Variants in SZT2 observed in about 807,000 individuals in gnomAD.
SZT2 encodes SZT2 subunit of KICSTOR complex, also known as KICSTOR complex protein SZT2.
In SZT2, 216 loss-of-function variants were observed where a neutral mutation model predicts 404.2. The observed-to-expected ratio is 0.53, with a 90% CI of 0.48 to 0.60. SZT2 has a LOEUF of 0.60. Among genes scored for constraint, SZT2 ranks in the 20% least tolerant of loss-of-function variants. The probability of loss-of-function intolerance (pLI) is 0.00; values close to 1 mark genes in which losing one functional copy is unlikely to be tolerated. For missense variants in SZT2, 3,857 were observed against 4,459.2 expected (o/e 0.86, Z 3.85); for synonymous variants, 1,693 against 1,749.9 (o/e 0.97, Z 0.81).
rs766494117 is a variant in SZT2, at chr1:43,448,748, C to G, written c.10086+20C>G. On this transcript the variant is annotated intron_variant, in intron 70 of 71. Coordinates refer to ENST00000634258, the MANE Select transcript of SZT2 (RefSeq NM_001365999.1). This position sits in a 1 kb window ranked among gnomAD's most constrained non-coding sequence, Gnocchi z 4.2. ...TACCTGGTAAGTCCCCTTGAGCTTC[C>G]TCTGAAAAGGGAAACACAGCAGAAA... The G allele has an allele frequency of 1.2e-5, 19 of 1,603,592 alleles. No individual in the cohort carries two copies. The highest frequency in any genetic ancestry group is 8.5e-6 in the Non-Finnish European group (10 of 1,170,580).
At chr1:43,398,314 A>T (rs2153928419) in intron 1 of SZT2, among the ~76,000 whole-genome samples, 1 of 152,324 alleles carries the variant, frequency 6.6e-6, no homozygotes, top group South Asian at 2.1e-4. Context: ...GAATTCACTT[A>T]TTTAGAGAAA....
Position 43,408,402 on chromosome 1 carries a change from A to G in SZT2, c.498+3852A>G, listed in dbSNP as rs1650597458. ...CTCAGCCTGCCAAGTAGCTAGGACT[A>G]CAGGTGCATGCCACCATACCTGACT... On this transcript the variant is annotated intron_variant, in intron 4 of 71. Coordinates refer to ENST00000634258, the MANE Select transcript of SZT2 (RefSeq NM_001365999.1). Among the ~76,000 whole-genome samples the G allele has an allele frequency of 2.0e-5, 3 of 152,082 alleles. 1 individual carries two copies. Among genetic ancestry groups the G allele is most frequent in the Admixed American group, 2.0e-4 (3 of 15,238 alleles).
In SZT2 at chr1:43,396,105, C is replaced by T. The variant is rs542526795; in HGVS notation, c.27+6110C>T. The stretch of plus-strand genomic sequence containing the variant: ...TGGAGGTTTCCTGAGCAAGTATAAC[C>T]TAGGAGAATCTGAATCTGTGACCTC... On this transcript the variant is annotated intron_variant, in intron 1 of 71. Transcript: ENST00000634258. Among the ~76,000 whole-genome samples, 9 of 152,286 alleles carry T rather than the reference C, an allele frequency of 5.9e-5. No individual in the cohort carries two copies. The South Asian group carries it at 1.5e-3, about 25-fold the overall frequency.
rs746949360 is a variant in SZT2 at position 43,447,077 on chromosome 1, G to A, written c.9195G>A (p.Leu3065=). 1 of 1,613,962 alleles carries A rather than the reference G, an allele frequency of 6.2e-7. No individual in the cohort carries two copies. Among genetic ancestry groups the A allele is most frequent in the Non-Finnish European group, 8.5e-7 (1 of 1,180,024 alleles). ...ACGTGCTAGGTGCCCATCTGGTGCT[G>A]CGGCACGGCTACCACCTCACCACCT... ...HQHVLGAHLV[L]RHGYHLTTFL... Residue 3065 remains leucine, a synonymous_variant, in exon 66 of 72, where the codon CTG becomes CTA. Coordinates refer to ENST00000634258, the MANE Select transcript of SZT2 (RefSeq NM_001365999.1).
At chr1:43,402,303 C>T (rs1481209649) in intron 1 of SZT2, among the ~76,000 whole-genome samples, 1 of 152,132 alleles carries the variant, frequency 6.6e-6, no homozygotes, top group Non-Finnish European at 1.5e-5. Flanking sequence ...GACCAATTGA[C>T]CTTTATTTCC....
At chr1:43,446,511 G>A (rs970064105) in intron 65 of SZT2, 95 bp downstream of exon 65, 54 of 1,481,380 alleles carry the variant, frequency 3.6e-5, no homozygotes, top group Non-Finnish European at 4.9e-5. Flanking sequence ...GAGTAATGCA[G>A]TAGGCGGGCT....
chr1:43,431,463 C>G lies in SZT2; in HGVS notation c.5028C>G (p.His1676Gln). 6.2e-7 allele frequency: 1 copy of G among 1,614,144 alleles called. No individual in the cohort carries two copies. Among genetic ancestry groups the G allele is most frequent in the Non-Finnish European group, 8.5e-7 (1 of 1,180,024 alleles). The change falls in exon 35 of 72, where the codon CAC becomes CAG. Residue 1676 changes from histidine (H) to glutamine (Q), a missense_variant. Transcript: ENST00000634258. ...PPLPPPEEER[H>Q]PGLSNLATPH... The stretch of plus-strand genomic sequence containing the variant: ...TCTAAACCTTTCTTCCAATTAGGCA[C>G]CCAGGACTATCCAATTTGGCCACGC...
chr1:43,439,802 A>G lies in SZT2; in HGVS notation c.7042+33A>G, dbSNP rs1047235351. 5.1e-6 allele frequency: 8 copies of G among 1,565,720 alleles called. No homozygotes were observed. The Admixed American group carries it at 5.4e-5, about 11-fold the overall frequency. On this transcript the variant is annotated intron_variant, in intron 50 of 71. Transcript: ENST00000634258. This position sits in a 1 kb window ranked among gnomAD's most constrained non-coding sequence, Gnocchi z 4.2. The stretch of plus-strand genomic sequence containing the variant: ...AGCTTGGTCAGAGGATGAGGTGTTC[A>G]GTTATTGCTGTGGGAGGTAAGGGTG...
rs1301730599 is a variant in SZT2, at chr1:43,454,154, C to T, written c.*3674C>T. The T allele has an allele frequency of 4.6e-6, 2 of 431,348 alleles. No homozygotes were observed. Among genetic ancestry groups the T allele is most frequent in the Admixed American group, 5.9e-5 (1 of 16,812 alleles). The allele number at this position is 431,348 out of a possible 1,614,324, so 26.7% of individuals were successfully genotyped here. On this transcript the variant is annotated 3_prime_UTR_variant, in exon 72 of 72. Coordinates refer to ENST00000634258, the MANE Select transcript of SZT2 (RefSeq NM_001365999.1). ...CAATGATGGGACGCGCACTTTAATA[C>T]TGAGTCTTTCCTCTGATTATAAAAA...
chr1:43,429,405 A>G, intron 28 of SZT2: 1 of 313,016 alleles, frequency 3.2e-6, no homozygotes, highest in Non-Finnish European at 6.0e-6. Flanking sequence ...GTGGTGGCAT[A>G]TGCCTGTGGT....
At position 43,453,663 on chromosome 1, in the gene SZT2, G is replaced by C; in HGVS notation, c.*3183G>C. 1 of 1,484,610 alleles carries C rather than the reference G, an allele frequency of 6.7e-7. No homozygotes were observed. The highest frequency in any genetic ancestry group is 8.9e-7 in the Non-Finnish European group (1 of 1,125,518). The allele number at this position is 1,484,610 out of a possible 1,614,324, so 92.0% of individuals were successfully genotyped here. ...CGCGGCGCGCGCCAGCGCCTCAGGC[G>C]TCTCCGCGTACGGCCAGGCCACCTC... On this transcript the variant is annotated 3_prime_UTR_variant, in exon 72 of 72. Transcript: ENST00000634258.
chr1:43,426,818 C>T lies in SZT2; in HGVS notation c.3309+9C>T, dbSNP rs140366288. ...CCGCTTTTACTTCCCTGGTCAGCAC[C>T]GATTCTTCTCCCTGAGCCCTTGTCA... is the stretch of plus-strand genomic sequence containing the variant. On this transcript the variant is annotated intron_variant, in intron 23 of 71. Coordinates refer to ENST00000634258, the MANE Select transcript of SZT2 (RefSeq NM_001365999.1). This position sits in a 1 kb window ranked among gnomAD's most constrained non-coding sequence, Gnocchi z 4.9. 2,258 of 1,612,260 alleles carry T rather than the reference C, an allele frequency of 1.4e-3. 6 individuals are homozygous for T. The highest frequency in any genetic ancestry group is 1.7e-3 in the Non-Finnish European group (2,053 of 1,178,884).
At position 43,427,079 on chromosome 1, in the gene SZT2, C is replaced by T. The variant is rs1167497939; in HGVS notation, c.3333C>T (p.Leu1111=). ...TSLSVGLPET[L]KPLISAQPPQ... Reference sequence around the variant, plus strand: ...AGAGTGTAGGTCTTCCTGAAACTCTCAAGCCTCTCATCTCTGCCCAGCCCC... The same window carrying T: ...AGAGTGTAGGTCTTCCTGAAACTCTTAAGCCTCTCATCTCTGCCCAGCCCC... Residue 1111 remains leucine (L), a synonymous_variant, in exon 24 of 72, where the codon CTC becomes CTT. Coordinates refer to ENST00000634258, the MANE Select transcript of SZT2 (RefSeq NM_001365999.1). 1.9e-6 allele frequency: 3 copies of T among 1,613,656 alleles called. No individual in the cohort carries two copies. The highest frequency in any genetic ancestry group is 4.5e-5 in the East Asian group (2 of 44,870).
intron 28 of SZT2, 143 bp downstream of exon 28, chr1:43,428,629 A>T (rs1419148182): frequency 1.7e-6 from 2 of 1,164,928 alleles, no homozygotes; most frequent in Non-Finnish European, 1.2e-6. Context: ...CGGCTCACGG[A>T]CTCCCATGCA....
chr1:43,442,031 T>TCCCCTGGGCAACTGGG lies in SZT2; in HGVS notation c.7780_7795dup (p.Ser2599TrpfsTer12). 1 of 1,613,882 alleles carries TCCCCTGGGCAACTGGG rather than the reference T, an allele frequency of 6.2e-7. No homozygotes were observed. The highest frequency in any genetic ancestry group is 1.7e-5 in the Admixed American group (1 of 59,986). ...AGAGCCAGAGATCTTCGGCCCTTGTTCCCCTGGGCAACTGGGCCCCTCTCC... is the reference window on the plus strand; with the variant it reads ...AGAGCCAGAGATCTTCGGCCCTTGTTCCCCTGGGCAACTGGGCCCCTGGGCAACTGGGCCCCTCTCC... On this transcript the variant is annotated frameshift_variant, in exon 56 of 72. Transcript: ENST00000634258. LOFTEE classifies it high-confidence loss of function. The surrounding 1 kb of genome is among the most constrained non-coding windows in gnomAD (Gnocchi z 4.5).
chr1:43,440,119 G>A, intron 51 of SZT2, 71 bp downstream of exon 51: 1 of 1,587,320 alleles, frequency 6.3e-7, no homozygotes, highest in Non-Finnish European at 8.6e-7. Flanking sequence ...TGGCAGGTGA[G>A]CGTGCAAAGG....
In SZT2 at chr1:43,437,166, C is replaced by A; in HGVS notation, c.6035-5C>A. 1 of 1,614,112 alleles carries A rather than the reference C, an allele frequency of 6.2e-7. No individual in the cohort carries two copies. The highest frequency in any genetic ancestry group is 8.5e-7 in the Non-Finnish European group (1 of 1,179,996). On this transcript the variant is annotated splice_polypyrimidine_tract_variant and splice_region_variant and intron_variant, in intron 42 of 71. Coordinates refer to ENST00000634258, the MANE Select transcript of SZT2 (RefSeq NM_001365999.1). The surrounding 1 kb of genome is among the most constrained non-coding windows in gnomAD (Gnocchi z 5.3). ...CATTTCTAATCCCTGCTCCCCCTCA[C>A]CCAGATTATGCTGCTGATGAGAGCT...
intron 62 of SZT2, 118 bp downstream of exon 62, chr1:43,443,914 GT>G: frequency 7.9e-7 from 1 of 1,269,926 alleles, no homozygotes; most frequent in South Asian, 1.4e-5. Flanking sequence ...GCCTGTGCAT[GT>G]TTATCCCACC....
rs561092682 is a variant in SZT2, at chr1:43,448,111, G to T, written c.9596G>T (p.Arg3199Leu). The change falls in exon 69 of 72, where the codon CGA becomes CTA. Residue 3199 changes from arginine (R) to leucine (L), a missense_variant. Arg to Leu is a moderately radical substitution (Grantham distance 102). Around this residue, in one of 7 missense-constraint regions of SZT2, gnomAD observed 717 missense variants for 868.2 expected, o/e 0.83. Transcript: ENST00000634258. The surrounding 1 kb of genome is among the most constrained non-coding windows in gnomAD (Gnocchi z 4.2). ...LQFFVVLTSQ[R>L]ELFPRLTADM... ...TTCTTCGTGGTGCTCACCAGCCAGC[G>T]AGAGCTCTTCCCCAGGCTCACTGCT... The T allele has an allele frequency of 1.3e-6, 2 of 1,599,130 alleles. No individual in the cohort carries two copies. Among genetic ancestry groups the T allele is most frequent in the Non-Finnish European group, 8.5e-7 (1 of 1,170,122 alleles).
Sources: allele counts gnomAD v4.1 joint callset (sites outside exome capture counted in the v4.1 genomes callset), GRCh38; gene constraint gnomAD v4.1.1; regional missense constraint gnomAD v4.1.1; non-coding constraint Gnocchi (gnomAD v3.1); transcripts MANE v1.5; gene names NCBI Gene and HGNC (gene_info 2026-07-23, HGNC 2026-07-21).